DNER: variants seen among roughly 807,000 people sequenced by gnomAD.
DNER encodes delta and Notch-like epidermal growth factor-related receptor.
A neutral mutation model predicts 78.2 loss-of-function variants in DNER; 33 were observed. The observed-to-expected ratio is 0.42, with a 90% CI of 0.32 to 0.56. The LOEUF is 0.56. DNER is among the 20% of genes least tolerant of loss of function. The pLI, the probability that DNER is intolerant of heterozygous loss-of-function variation, is 0.11. For missense variants in DNER, 918 were observed against 975.3 expected (o/e 0.94, Z 0.78); for synonymous variants, 417 against 384.8 (o/e 1.08, Z -0.98).
At chr2:229,654,933 C>A (rs1698888635) in intron 1 of DNER, among the ~76,000 whole-genome samples, 1 of 151,878 alleles carries the variant, frequency 6.6e-6, no homozygotes. Context: ...TTAAACTCTA[C>A]AAGAAAAAAA....
chr2:229,695,800 G>A (rs1039764950), intron 1 of DNER, among the ~76,000 whole-genome samples: 3 of 152,156 alleles, frequency 2.0e-5, no homozygotes, highest in Non-Finnish European at 4.4e-5. Context: ...CCAAGTTCTG[G>A]GAACGGAGGA....
chr2:229,515,645 T>A lies in DNER; in HGVS notation c.994-2709A>T, dbSNP rs1210088632. On this transcript the variant is annotated intron_variant, in intron 5 of 12. Transcript: ENST00000341772. ...ATATCTTCAAGTTAGCTTTATTTTT[T>A]TATTTTTTTTTTTTTGAGACAGTCT... is the stretch of plus-strand genomic sequence containing the variant. 3.2e-4 allele frequency among the ~76,000 whole-genome samples: 25 copies of A among 77,496 alleles called. 1 individual carries two copies. Among genetic ancestry groups the A allele is most frequent in the African/African-American group, 8.2e-4 (21 of 25,678 alleles). The allele number at this position is 77,496 out of a possible 152,430, so 50.8% of individuals were successfully genotyped here.
intron 6 of DNER, among the ~76,000 whole-genome samples, chr2:229,488,730 G>C (rs1310496604): frequency 1.3e-5 from 2 of 152,234 alleles, no homozygotes; most frequent in Non-Finnish European, 2.9e-5. Flanking sequence ...CAGACACAGT[G>C]GGCAGGAAGT....
intron 7 of DNER, among the ~76,000 whole-genome samples, chr2:229,457,226 A>G (rs2106366353): frequency 6.6e-6 from 1 of 152,226 alleles, no homozygotes; most frequent in South Asian, 2.1e-4. Flanking sequence ...GTCTACAGGA[A>G]GAAATTAAGG....
At chr2:229,557,242 C>G (rs1361570976) in intron 4 of DNER, among the ~76,000 whole-genome samples, 1 of 152,238 alleles carries the variant, frequency 6.6e-6, no homozygotes, top group Non-Finnish European at 1.5e-5. Flanking sequence ...AGCACTCAAA[C>G]TGATAGACAC....
At chr2:229,387,803 A>G (rs556784885) in intron 11 of DNER, among the ~76,000 whole-genome samples, 16 of 152,278 alleles carry the variant, frequency 1.1e-4, no homozygotes, top group Non-Finnish European at 2.2e-4. Flanking sequence ...TCGAGGCAAT[A>G]GAAGGAACTT....
intron 9 of DNER, 52 bp from the exon 10 acceptor site, chr2:229,407,397 C>T (rs1357778937): frequency 1.3e-6 from 2 of 1,544,912 alleles, no homozygotes; most frequent in East Asian, 2.3e-5. Context: ...CTCTGGCTCC[C>T]ATGGCCTCTG....
chr2:229,459,688 T>G (rs999938704), intron 7 of DNER, among the ~76,000 whole-genome samples: 1 of 151,998 alleles, frequency 6.6e-6, no homozygotes, highest in African/African-American at 2.4e-5. Context: ...ATTTGCTGCT[T>G]CTCACAAGAG....
intron 11 of DNER, among the ~76,000 whole-genome samples, chr2:229,387,893 T>TGTGTGTGTGTGTGTGTGTG (rs3222719): frequency 7.0e-5 from 5 of 71,886 alleles, no homozygotes; most frequent in African/African-American, 1.7e-4. Context: ...GTGTGTGTGT[T>TGTGTGTGTGTGTGTGTGTG]TTTTAATTTT....
intron 6 of DNER, among the ~76,000 whole-genome samples, chr2:229,489,993 A>C (rs1224540504): frequency 5.3e-5 from 8 of 152,072 alleles, no homozygotes; most frequent in Non-Finnish European, 1.2e-4. Context: ...AAGAGAAAGA[A>C]GGGGAGATCA....
intron 1 of DNER, among the ~76,000 whole-genome samples, chr2:229,691,297 G>T (rs188873648): frequency 7.0e-4 from 107 of 152,254 alleles, no homozygotes; most frequent in Non-Finnish European, 1.2e-3. Flanking sequence ...GTATTTTAAG[G>T]AGAAGATTTA....
At chr2:229,372,439 C>T (rs549475811) in intron 11 of DNER, among the ~76,000 whole-genome samples, 9 of 152,222 alleles carry the variant, frequency 5.9e-5, no homozygotes, top group African/African-American at 2.2e-4. Context: ...GGCAAAGAAC[C>T]AGAGTGAGCA....
Position 229,385,068 on chromosome 2 carries a change from C to T in DNER, c.1855+3197G>A, listed in dbSNP as rs56986105. 5.3e-3 allele frequency among the ~76,000 whole-genome samples: 793 copies of T among 149,934 alleles called. 6 individuals carry two copies. Among genetic ancestry groups the T allele is most frequent in the African/African-American group, 0.018 (729 of 40,852 alleles). ...ATCAAAAAGCTTATCCACCACTGTA[C>T]TCCAGTCTGGGCAACAGAGCGAGAC... On this transcript the variant is annotated intron_variant, in intron 11 of 12. Coordinates refer to ENST00000341772, the MANE Select transcript of DNER (RefSeq NM_139072.4).
At chr2:229,695,789 C>T (rs904270838) in intron 1 of DNER, among the ~76,000 whole-genome samples, 2 of 152,204 alleles carry the variant, frequency 1.3e-5, no homozygotes, top group African/African-American at 4.8e-5. Context: ...CCTGGAAGAC[C>T]CCAAGTTCTG....
At chr2:229,555,195 T>C (rs1303596286) in intron 4 of DNER, among the ~76,000 whole-genome samples, 1 of 152,174 alleles carries the variant, frequency 6.6e-6, no homozygotes, top group Admixed American at 6.5e-5. Context: ...AGAGAACTAA[T>C]TGCTATCTTC....
chr2:229,366,081 C>G (rs1692340837), intron 12 of DNER, among the ~76,000 whole-genome samples: 1 of 152,136 alleles, frequency 6.6e-6, no homozygotes, highest in Non-Finnish European at 1.5e-5. Context: ...GGCTTAATAC[C>G]TAGGTGATGG....
At chr2:229,384,731 T>A (rs1414590865) in intron 11 of DNER, among the ~76,000 whole-genome samples, 2 of 152,130 alleles carry the variant, frequency 1.3e-5, no homozygotes, top group South Asian at 4.1e-4. Context: ...AATCCCTGAA[T>A]AGACCAATAA....
intron 6 of DNER, among the ~76,000 whole-genome samples, chr2:229,504,103 G>C (rs1695683358): frequency 6.6e-6 from 1 of 152,110 alleles, no homozygotes; most frequent in Non-Finnish European, 1.5e-5. Flanking sequence ...ATGGCCTGTG[G>C]TGACGTGTGT....
chr2:229,388,447 G>A (rs1355203285), intron 10 of DNER, 51 bp from the exon 11 acceptor site: 39 of 1,520,760 alleles, frequency 2.6e-5, no homozygotes, highest in Non-Finnish European at 3.4e-5. Flanking sequence ...CATGGTTCCT[G>A]TCATTTTTCT....
Sources: allele counts gnomAD v4.1 joint callset (sites outside exome capture counted in the v4.1 genomes callset), GRCh38; gene constraint gnomAD v4.1.1; transcripts MANE v1.5; gene names NCBI Gene and HGNC (gene_info 2026-07-23, HGNC 2026-07-21).